Variants in CCDC138 observed in about 807,000 individuals in gnomAD.
CCDC138 encodes the protein coiled-coil domain-containing protein 138.
In CCDC138, 66 loss-of-function variants were observed where a neutral mutation model predicts 82.3. The ratio of observed to expected loss-of-function variants is 0.80; its 90% CI spans 0.66 to 0.98. The LOEUF is 0.98. Among genes scored for constraint, CCDC138 ranks in the 50% least tolerant of loss-of-function variants. CCDC138 has a pLI of 0.00. For synonymous variants in CCDC138, 297 were observed against 265.4 expected, an observed-to-expected ratio of 1.12 and a Z score of -1.16; for missense variants, 816 against 758.9, an observed-to-expected ratio of 1.08 and a Z score of -0.88.
At chr2:108,798,145 G>T (rs2149536824) in intron 5 of CCDC138, among the ~76,000 whole-genome samples, 1 of 152,190 alleles carries the variant, frequency 6.6e-6, no homozygotes, top group East Asian at 1.9e-4. Context: ...ATTTAAGCTG[G>T]ATCGGGAACT....
At chr2:108,870,330 A>G (rs998939294) in intron 13 of CCDC138, among the ~76,000 whole-genome samples, 1 of 152,210 alleles carries the variant, frequency 6.6e-6, no homozygotes, top group African/African-American at 2.4e-5. Flanking sequence ...AAATCAAAGA[A>G]AAAAGAAAAG....
At chr2:108,852,069 A>G (rs373697553) in intron 12 of CCDC138, among the ~76,000 whole-genome samples, 3 of 152,282 alleles carry the variant, frequency 2.0e-5, no homozygotes, top group East Asian at 3.9e-4. Flanking sequence ...AAACACCTAC[A>G]TAGCACTTAC....
chr2:108,789,969 T>A (rs991345262), intron 3 of CCDC138, among the ~76,000 whole-genome samples: 1 of 152,226 alleles, frequency 6.6e-6, no homozygotes, highest in Non-Finnish European at 1.5e-5. Flanking sequence ...CATGAAATGT[T>A]GAAATAATTG....
chr2:108,867,215 G>A (rs2105031521), intron 13 of CCDC138, among the ~76,000 whole-genome samples: 2 of 152,240 alleles, frequency 1.3e-5, no homozygotes, highest in East Asian at 1.9e-4. Flanking sequence ...GCAGTGATAA[G>A]AGGAATAACT....
At chr2:108,875,410 A>G (rs1238682266) in intron 14 of CCDC138, among the ~76,000 whole-genome samples, 2 of 152,068 alleles carry the variant, frequency 1.3e-5, no homozygotes, top group Non-Finnish European at 2.9e-5. Context: ...CAAGTATTCT[A>G]TAGCCAAGTC....
chr2:108,825,754 T>C (rs1686474583), intron 10 of CCDC138, among the ~76,000 whole-genome samples: 1 of 152,194 alleles, frequency 6.6e-6, no homozygotes, highest in Non-Finnish European at 1.5e-5. Flanking sequence ...GGTGTTGCTA[T>C]GAACATTTAT....
intron 9 of CCDC138, among the ~76,000 whole-genome samples, chr2:108,813,164 G>T (rs1684180144): frequency 6.7e-6 from 1 of 149,210 alleles, no homozygotes; most frequent in Non-Finnish European, 1.5e-5. Context: ...CAGGAGAATT[G>T]CTGGAACCTG....
intron 10 of CCDC138, among the ~76,000 whole-genome samples, chr2:108,822,177 A>AATATACT (rs1247316746): frequency 6.6e-6 from 1 of 152,188 alleles, no homozygotes; most frequent in African/African-American, 2.4e-5. Flanking sequence ...TATAAGACAA[A>AATATACT]ATATACTTTA....
At chr2:108,864,730 G>T (rs1034968986) in intron 13 of CCDC138, among the ~76,000 whole-genome samples, 1 of 150,014 alleles carries the variant, frequency 6.7e-6, no homozygotes, top group African/African-American at 2.4e-5. Context: ...GGAGGCGGAG[G>T]TTGCAGTGAG....
intron 12 of CCDC138, among the ~76,000 whole-genome samples, chr2:108,856,306 C>CTT (rs10676507): frequency 0.92 from 139,699 of 152,184 alleles, 64,191 homozygotes; most frequent in East Asian, 1. Flanking sequence ...CTGAAATTAT[C>CTT]TTGTTTCAGC....
intron 13 of CCDC138, among the ~76,000 whole-genome samples, chr2:108,871,418 T>C (rs1209549580): frequency 6.9e-6 from 1 of 144,766 alleles, no homozygotes; most frequent in South Asian, 2.2e-4. Context: ...CTGGGCATGA[T>C]GGTGTGTGCC....
chr2:108,871,424 G>A (rs1360490621), intron 13 of CCDC138, among the ~76,000 whole-genome samples: 1 of 149,460 alleles, frequency 6.7e-6, no homozygotes, highest in Admixed American at 6.7e-5. Flanking sequence ...ATGATGGTGT[G>A]TGCCTGTAAT....
At chr2:108,805,670 T>C (rs1162168738) in intron 7 of CCDC138, among the ~76,000 whole-genome samples, 1 of 151,664 alleles carries the variant, frequency 6.6e-6, no homozygotes, top group African/African-American at 2.4e-5. Context: ...GAGCTTGCAG[T>C]GAGCCGAGAT....
intron 12 of CCDC138, among the ~76,000 whole-genome samples, chr2:108,852,753 G>A (rs1691725756): frequency 6.6e-6 from 1 of 152,126 alleles, no homozygotes; most frequent in African/African-American, 2.4e-5. Context: ...CCTATCAGAG[G>A]GTGGGAGGAG....
In CCDC138 at chr2:108,791,700, C is replaced by T. The variant is rs762503788; in HGVS notation, c.292C>T (p.His98Tyr). 1 of 1,607,576 alleles carries T rather than the reference C, an allele frequency of 6.2e-7. No individual in the cohort carries two copies. The highest frequency in any genetic ancestry group is 1.1e-5 in the South Asian group (1 of 89,908). Residue 98 changes from histidine to tyrosine, a missense_variant, in exon 4 of 15, where the codon CAT becomes TAT. By Grantham distance (83) the His-to-Tyr change is moderately conservative. Transcript: ENST00000295124. The part of the protein sequence containing the change: ...NCLDDELDSF[H>Y]DLKKQETEEE... ...CCTAGATGATGAACTGGATTCTTTC[C>T]ATGATTTGAAGAAACAGGAAACAGA...
chr2:108,849,141 G>C (rs1440226345), intron 12 of CCDC138, among the ~76,000 whole-genome samples: 1 of 151,906 alleles, frequency 6.6e-6, no homozygotes, highest in East Asian at 1.9e-4. Context: ...AGTGAACTGG[G>C]ATACATAGCA....
chr2:108,878,696 G>A (rs1429651968), downstream of CCDC138, among the ~76,000 whole-genome samples: 2 of 152,228 alleles, frequency 1.3e-5, no homozygotes, highest in Non-Finnish European at 2.9e-5. Context: ...CAATATGTTA[G>A]TAGTAAGTAT....
chr2:108,835,302 C>T (rs1300229771), intron 10 of CCDC138, among the ~76,000 whole-genome samples: 2 of 152,150 alleles, frequency 1.3e-5, no homozygotes, highest in South Asian at 2.1e-4. Flanking sequence ...CAAAACTGTT[C>T]AATGATTGAG....
intron 13 of CCDC138, among the ~76,000 whole-genome samples, chr2:108,860,070 A>G (rs990550857): frequency 6.6e-6 from 1 of 151,964 alleles, no homozygotes; most frequent in African/African-American, 2.4e-5. Context: ...GCTGTTGTAA[A>G]TAGGATTGTG....
Sources: gnomAD v4.1 joint callset for allele counts (sites outside exome capture counted in the v4.1 genomes callset) on GRCh38, gnomAD v4.1.1 for gene constraint, MANE v1.5 for transcripts, NCBI Gene and HGNC (gene_info 2026-07-23, HGNC 2026-07-21) for gene names.